Variants in ERBB4 observed in about 807,000 individuals in gnomAD.
ERBB4 encodes receptor tyrosine-protein kinase erbB-4.
ERBB4 carries 42 observed loss-of-function variants against 158.0 expected under a neutral mutation model. That is an observed-to-expected ratio of 0.27 (90% CI 0.21 to 0.34). The LOEUF is 0.34. Among genes scored for constraint, ERBB4 ranks in the 10% least tolerant of loss-of-function variants. The pLI is 1.00. For missense variants in ERBB4, 1,333 were observed against 1,624.1 expected (o/e 0.82, Z 3.08); for synonymous variants, 583 against 558.7 (o/e 1.04, Z -0.61).
chr2:212,277,179 G>C (rs968981404), intron 1 of ERBB4, among the ~76,000 whole-genome samples: 1 of 151,782 alleles, frequency 6.6e-6, no homozygotes, highest in East Asian at 1.9e-4. Context: ...AGGGCAGTGG[G>C]CTGCGATACA....
chr2:211,642,249 AT>A (rs1379611132), intron 16 of ERBB4, among the ~76,000 whole-genome samples: 1 of 152,000 alleles, frequency 6.6e-6, no homozygotes, highest in East Asian at 1.9e-4. Flanking sequence ...AGGTCATCCA[AT>A]GGTTTTCTTG....
intron 5 of ERBB4, among the ~76,000 whole-genome samples, chr2:211,737,422 T>C (rs983837675): frequency 2.6e-5 from 4 of 152,280 alleles, no homozygotes; most frequent in South Asian, 2.1e-4. Context: ...TCCTACCTTA[T>C]TTCCAGTGTA....
At chr2:211,714,877 C>T (rs2073841997) in intron 7 of ERBB4, among the ~76,000 whole-genome samples, 1 of 152,124 alleles carries the variant, frequency 6.6e-6, no homozygotes, top group African/African-American at 2.4e-5. Flanking sequence ...TTAAGAGGCC[C>T]CCATGCCATC....
At chr2:212,200,189 A>T (rs893972569) in intron 1 of ERBB4, among the ~76,000 whole-genome samples, 2 of 152,196 alleles carry the variant, frequency 1.3e-5, no homozygotes, top group African/African-American at 2.4e-5. Flanking sequence ...GATCTATTTA[A>T]TATCATTCTA....
rs1239161727 is a variant in ERBB4 at position 211,617,932 on chromosome 2, T to A, written c.2301+1245A>T. ...CTTTGATAGAACCCCTGGCAAGATGTCTTGTATTGAATGTGAAAAAATAAC... is the reference window on the plus strand; with the variant it reads ...CTTTGATAGAACCCCTGGCAAGATGACTTGTATTGAATGTGAAAAAATAAC... On this transcript the variant is annotated intron_variant, in intron 19 of 27. Coordinates refer to ENST00000342788, the MANE Select transcript of ERBB4 (RefSeq NM_005235.3). Among the ~76,000 whole-genome samples the A allele has an allele frequency of 2.0e-5, 3 of 152,074 alleles. No homozygotes were observed. The East Asian group carries it at 5.8e-4, about 29-fold the overall frequency.
chr2:212,058,844 G>A (rs2077666432), intron 2 of ERBB4, among the ~76,000 whole-genome samples: 1 of 152,084 alleles, frequency 6.6e-6, no homozygotes, highest in Admixed American at 6.6e-5. Context: ...ATACTGAATG[G>A]CCAAAAACTG....
chr2:211,811,148 G>T (rs982366981), intron 3 of ERBB4, among the ~76,000 whole-genome samples: 26 of 152,106 alleles, frequency 1.7e-4, no homozygotes, highest in Non-Finnish European at 3.4e-4. Context: ...GCAGTGGCTC[G>T]TACTGGTTGT....
At chr2:212,303,648 C>T (rs2086703493) in intron 1 of ERBB4, among the ~76,000 whole-genome samples, 1 of 151,538 alleles carries the variant, frequency 6.6e-6, no homozygotes, top group South Asian at 2.1e-4. Flanking sequence ...TATGTGACTA[C>T]ATTTCCCAAA....
chr2:211,965,776 T>C (rs12472425), intron 2 of ERBB4, among the ~76,000 whole-genome samples: 10,006 of 152,330 alleles, frequency 0.066, 674 homozygotes, highest in East Asian at 0.28. Flanking sequence ...TTGATTTCTA[T>C]ATATTTCTAT....
chr2:211,857,151 G>C (rs2077890164), intron 3 of ERBB4, among the ~76,000 whole-genome samples: 1 of 134,872 alleles, frequency 7.4e-6, no homozygotes, highest in Non-Finnish European at 1.7e-5. Context: ...GTATATCTCT[G>C]TGTGTGTTTG....
intron 1 of ERBB4, among the ~76,000 whole-genome samples, chr2:212,537,150 C>CGGCGGCGGCGGCGGCGGGGGCGGCGGG (rs576146218): frequency 1.3e-5 from 2 of 151,094 alleles, no homozygotes; most frequent in African/African-American, 4.9e-5. Flanking sequence ...GCGGCGGCGG[C>CGGCGGCGGCGGCGGCGGGGGCGGCGGG]GGCGGAGCGG....
chr2:212,488,230 A>G (rs16848687), intron 1 of ERBB4, among the ~76,000 whole-genome samples: 4,906 of 151,864 alleles, frequency 0.032, 275 homozygotes, highest in African/African-American at 0.11. Context: ...TGGAATCACC[A>G]TTTGCAACTC....
chr2:212,201,879 T>C (rs1009447701), intron 1 of ERBB4, among the ~76,000 whole-genome samples: 1 of 152,188 alleles, frequency 6.6e-6, no homozygotes, highest in Non-Finnish European at 1.5e-5. Flanking sequence ...CCTACTATTA[T>C]TCCTTTTGTT....
intron 1 of ERBB4, among the ~76,000 whole-genome samples, chr2:212,321,734 A>G (rs924368036): frequency 2.7e-5 from 4 of 150,396 alleles, no homozygotes; most frequent in African/African-American, 7.3e-5. Flanking sequence ...CAAAACCTGT[A>G]TCTTTGCTAA....
chr2:211,482,228 G>A (rs1446849435), intron 20 of ERBB4, among the ~76,000 whole-genome samples: 4 of 152,116 alleles, frequency 2.6e-5, no homozygotes, highest in Non-Finnish European at 5.9e-5. Context: ...TCCAAACCCA[G>A]GTGAAGAATC....
intron 1 of ERBB4, among the ~76,000 whole-genome samples, chr2:212,197,582 T>C (rs2082466291): frequency 6.6e-6 from 1 of 152,200 alleles, no homozygotes. Flanking sequence ...AAGAAGTCTG[T>C]CTCTGAATCC....
chr2:212,307,002 G>A (rs1014599441), intron 1 of ERBB4, among the ~76,000 whole-genome samples: 3 of 151,200 alleles, frequency 2.0e-5, no homozygotes, highest in Non-Finnish European at 4.4e-5. Context: ...AACCATTTGA[G>A]AGAGTTTAAA....
chr2:212,021,732 T>A (rs2076654723), intron 2 of ERBB4, among the ~76,000 whole-genome samples: 2 of 151,886 alleles, frequency 1.3e-5, no homozygotes, highest in Non-Finnish European at 2.9e-5. Flanking sequence ...GGGATCTAAT[T>A]AAACTAAAAA....
chr2:211,933,214 T>C (rs921588426), intron 3 of ERBB4, among the ~76,000 whole-genome samples: 2 of 152,092 alleles, frequency 1.3e-5, no homozygotes, highest in Non-Finnish European at 2.9e-5. Flanking sequence ...CATTACGACA[T>C]GCAATTTCTA....
Sources: gnomAD v4.1 joint callset for allele counts (sites outside exome capture counted in the v4.1 genomes callset) on GRCh38, gnomAD v4.1.1 for gene constraint, MANE v1.5 for transcripts, NCBI Gene and HGNC (gene_info 2026-07-23, HGNC 2026-07-21) for gene names.